Variants in RECQL5 observed in about 807,000 individuals in gnomAD.
RECQL5 encodes the protein RecQ like helicase 5.
RECQL5 carries 88 observed loss-of-function variants against 103.4 expected under a neutral mutation model. The ratio of observed to expected loss-of-function variants is 0.85; its 90% confidence interval spans 0.72 to 1.02. RECQL5 has a LOEUF of 1.02. Ranked by LOEUF, RECQL5 falls within the 50% of genes least tolerant of loss-of-function variation. RECQL5 has a pLI of 0.00. For synonymous variants in RECQL5, 552 were observed against 507.9 expected (o/e 1.09, Z -1.17); for missense variants, 1,232 against 1,284.3 (o/e 0.96, Z 0.62).
intron 18 of RECQL5, 30 bp from the exon 19 acceptor site, chr17:75,627,722 G>C: frequency 6.3e-7 from 1 of 1,576,268 alleles, no homozygotes; most frequent in East Asian, 2.3e-5. Context: ...GAGAAGCAGA[G>C]AGCAGGACCC....
intron 2 of RECQL5, 89 bp downstream of exon 2, chr17:75,666,339 C>T: frequency 2.1e-6 from 3 of 1,424,492 alleles, no homozygotes; most frequent in Admixed American, 2.1e-5. Context: ...AAAGGTGAGG[C>T]AGTACGAAGG....
intron 3 of RECQL5, among the ~76,000 whole-genome samples, chr17:75,663,546 T>G (rs942126243): frequency 6.6e-6 from 1 of 152,132 alleles, no homozygotes; most frequent in Admixed American, 6.6e-5. Context: ...GCATTTCAGA[T>G]TTCAGATTTT....
rs1020883393 is a variant in RECQL5 at position 75,626,893 on chromosome 17, T to G, written c.*529A>C. 9 of 356,806 alleles carry G rather than the reference T, an allele frequency of 2.5e-5. No homozygotes were observed. Among genetic ancestry groups the G allele is most frequent in the Non-Finnish European group, 4.3e-5 (8 of 185,034 alleles). The allele number at this position is 356,806 out of a possible 1,614,324, so 22.1% of individuals were successfully genotyped here. On this transcript the variant is annotated 3_prime_UTR_variant, in exon 20 of 20. Transcript: ENST00000317905. ...CATGCCCCACAACAACACAACTTTA[T>G]TCCTCTCCCAAACATCTGTCAGGCC... is the stretch of plus-strand genomic sequence containing the variant.
intron 3 of RECQL5, among the ~76,000 whole-genome samples, 192 bp downstream of exon 3, chr17:75,664,859 G>T (rs922522959): frequency 6.9e-6 from 1 of 145,464 alleles, no homozygotes; most frequent in African/African-American, 2.6e-5. Context: ...GCTGCAGTGA[G>T]CCAAGATCGC....
rs1234593799 is a variant in RECQL5 at position 75,628,760 on chromosome 17, G to T, written c.2492C>A (p.Thr831Asn). 17 of 1,599,012 alleles carry T rather than the reference G, an allele frequency of 1.1e-5. No homozygotes were observed. Among genetic ancestry groups the T allele is most frequent in the Non-Finnish European group, 1.4e-5 (16 of 1,176,442 alleles). ...TEECLRERPS[T>N]CPPRDQGTPE... ...GGTGCCCTGGTCTCTGGGCGGGCAG[G>T]TGCTGGTAGAGGGAAGAGCAGGCAT... The change falls in exon 17 of 20, where the codon ACC becomes AAC. Residue 831 changes from threonine to asparagine, a missense_variant and splice_region_variant. Transcript: ENST00000317905.
At chr17:75,658,620 G>C (rs367863462) in intron 6 of RECQL5, among the ~76,000 whole-genome samples, 160 bp from the exon 7 acceptor site, 1 of 152,232 alleles carries the variant, frequency 6.6e-6, no homozygotes, top group Non-Finnish European at 1.5e-5. Flanking sequence ...CCATCAGCAC[G>C]TCTCCCTTCT....
Position 75,628,924 on chromosome 17 carries a change from G to A in RECQL5, c.2489+10C>T. 2.5e-6 allele frequency: 4 copies of A among 1,579,838 alleles called. No homozygotes were observed. Among genetic ancestry groups the A allele is most frequent in the Non-Finnish European group, 1.7e-6 (2 of 1,170,202 alleles). On this transcript the variant is annotated intron_variant, in intron 16 of 19. Transcript: ENST00000317905. ...GTTCCAGAAGATTCTATGACTACCT[G>A]TACCCTTACCTTGGCCTCTCCCTGA...
chr17:75,655,261 G>A (rs756496231), intron 7 of RECQL5, among the ~76,000 whole-genome samples: 3 of 151,286 alleles, frequency 2.0e-5, no homozygotes, highest in Admixed American at 6.6e-5. Flanking sequence ...TAGTAGAGAC[G>A]GGGTTTCACC....
intron 6 of RECQL5, among the ~76,000 whole-genome samples, 166 bp from the exon 7 acceptor site, chr17:75,658,626 C>G (rs2059658647): frequency 6.6e-6 from 1 of 152,128 alleles, no homozygotes; most frequent in Non-Finnish European, 1.5e-5. Context: ...GCACGTCTCC[C>G]TTCTAGAAGC....
At chr17:75,638,608 T>C (rs1327809646) in intron 8 of RECQL5, 1 of 152,216 alleles carries the variant, frequency 6.6e-6, no homozygotes, top group African/African-American at 2.4e-5. Flanking sequence ...CTAGTGACGG[T>C]GCACGGGGGT....
intron 15 of RECQL5, 96 bp downstream of exon 15, chr17:75,629,612 G>A: frequency 6.6e-7 from 1 of 1,513,814 alleles, no homozygotes; most frequent in Non-Finnish European, 8.9e-7. Context: ...ACCCTGGTGG[G>A]GAGCCAGGCC....
chr17:75,650,815 G>T (rs2059545680), intron 8 of RECQL5: 1 of 1,527,914 alleles, frequency 6.5e-7, no homozygotes, highest in African/African-American at 1.4e-5. Context: ...GGATAAGGGT[G>T]AGGACTACTC....
At position 75,630,611 on chromosome 17, in the gene RECQL5, G is replaced by A. The variant is rs34850769; in HGVS notation, c.1718+8C>T. ...AGTGCTCCTCAGCCCAGTGATCGTGGAACTCACTCATCAGCGGTACGTGTT... is the reference window on the plus strand; with the variant it reads ...AGTGCTCCTCAGCCCAGTGATCGTGAAACTCACTCATCAGCGGTACGTGTT... On this transcript the variant is annotated splice_region_variant and intron_variant, in intron 13 of 19. Coordinates refer to ENST00000317905, the MANE Select transcript of RECQL5 (RefSeq NM_004259.7). 21,520 of 1,613,336 alleles carry A rather than the reference G, an allele frequency of 0.013. 210 individuals are homozygous for A. Among genetic ancestry groups the A allele is most frequent in the South Asian group, 0.034 (3,117 of 91,066 alleles).
intron 8 of RECQL5, among the ~76,000 whole-genome samples, chr17:75,632,693 A>G (rs1414726472): frequency 6.6e-6 from 1 of 152,124 alleles, no homozygotes; most frequent in Non-Finnish European, 1.5e-5. Context: ...TTCCCTCTGC[A>G]TGGGGGTGGC....
chr17:75,655,736 A>T (rs2059611766), intron 7 of RECQL5, among the ~76,000 whole-genome samples: 1 of 151,424 alleles, frequency 6.6e-6, no homozygotes, highest in Non-Finnish European at 1.5e-5. Context: ...CCTCCACTCC[A>T]TGGTATGATC....
At position 75,660,982 on chromosome 17, in the gene RECQL5, C is replaced by T. The variant is rs2059691047; in HGVS notation, c.959G>A (p.Gly320Glu). The change falls in exon 6 of 20, where the codon GGG becomes GAG. Residue 320 changes from glycine (G) to glutamate (E), a missense_variant. Physicochemically the swap from Gly to Glu is moderately conservative, Grantham distance 98. Transcript: ENST00000317905. ...VPVIVATISF[G>E]MGVDKANVRF... ...GACATTGGCTTTATCCACTCCCATC[C>T]CAAAACTAATGGTTGCAACAATTAC... 1.2e-6 allele frequency: 2 copies of T among 1,614,038 alleles called. No individual in the cohort carries two copies. Among genetic ancestry groups the T allele is most frequent in the African/African-American group, 1.3e-5 (1 of 74,920 alleles).
rs1214365823 is a variant in RECQL5 at position 75,663,003 on chromosome 17, A to G, written c.253-6T>C. On this transcript the variant is annotated splice_polypyrimidine_tract_variant and splice_region_variant and intron_variant, in intron 3 of 19. Transcript: ENST00000317905. Reference sequence around the variant, plus strand: ...AGCAAGTGGTCCACTTGGTCCTAAGAGAAGAGAAAGAGGCTGTAACTGGCC... The same window carrying G: ...AGCAAGTGGTCCACTTGGTCCTAAGGGAAGAGAAAGAGGCTGTAACTGGCC... 1.3e-6 allele frequency: 2 copies of G among 1,579,678 alleles called. No homozygotes were observed. Among genetic ancestry groups the G allele is most frequent in the Middle Eastern group, 1.7e-4 (1 of 5,918 alleles).
At chr17:75,655,580 G>C (rs1187045916) in intron 7 of RECQL5, among the ~76,000 whole-genome samples, 1 of 151,668 alleles carries the variant, frequency 6.6e-6, no homozygotes, top group East Asian at 1.9e-4. Context: ...TAGCCAGGAT[G>C]GTCTTGATCT....
rs1598984214 is a variant in RECQL5 at position 75,630,661 on chromosome 17, T to C, written c.1676A>G (p.Glu559Gly). The change falls in exon 13 of 20, where the codon GAG becomes GGG. Residue 559 changes from glutamate (E) to glycine (G), a missense_variant. Glu to Gly is a moderately conservative substitution (Grantham distance 98). Transcript: ENST00000317905. ...AREHCLRLLE[E>G]ALSSNRQSTR... ...TGACTGGCGGTTGCTGCTCAGCGCC[T>C]CCTCCAGAAGCCGCAGGCAGTGCTC... is the stretch of plus-strand genomic sequence containing the variant. 2 of 1,613,298 alleles carry C rather than the reference T, an allele frequency of 1.2e-6. No homozygotes were observed. Among genetic ancestry groups the C allele is most frequent in the Non-Finnish European group, 1.7e-6 (2 of 1,179,898 alleles).
Sources: allele counts gnomAD v4.1 joint callset (sites outside exome capture counted in the v4.1 genomes callset), GRCh38; gene constraint gnomAD v4.1.1; transcripts MANE v1.5; gene names NCBI Gene and HGNC (gene_info 2026-07-23, HGNC 2026-07-21).